Variants in FNDC3A observed in about 807,000 individuals in gnomAD.
The protein encoded by FNDC3A is fibronectin type-III domain-containing protein 3A.
FNDC3A carries 32 observed loss-of-function variants against 148.9 expected under a neutral mutation model. The observed-to-expected ratio is 0.21, with a 90% CI of 0.16 to 0.29. The LOEUF (loss-of-function observed/expected upper bound fraction) is 0.29, where lower values mean the gene tolerates loss of function less well. FNDC3A is among the 10% of genes least tolerant of loss of function. FNDC3A has a pLI of 1.00. For missense variants in FNDC3A, 1,191 were observed against 1,452.8 expected, an observed-to-expected ratio of 0.82 and a Z score of 2.93; for synonymous variants, 472 against 473.6, an observed-to-expected ratio of 1.00 and a Z score of 0.04.
At chr13:49,055,231 GT>G (rs1397270652) in intron 2 of FNDC3A, among the ~76,000 whole-genome samples, 1 of 151,938 alleles carries the variant, frequency 6.6e-6, no homozygotes, top group Non-Finnish European at 1.5e-5. Context: ...AGCCTCCTGA[GT>G]AGCTGGGAAT....
intron 25 of FNDC3A, among the ~76,000 whole-genome samples, chr13:49,205,105 A>G (rs1023903962): frequency 1.3e-5 from 2 of 152,212 alleles, no homozygotes; most frequent in Admixed American, 6.5e-5. Context: ...TTAGGATTCC[A>G]TAAACACTGT....
intron 8 of FNDC3A, among the ~76,000 whole-genome samples, chr13:49,153,868 A>G (rs1437205353): frequency 1.7e-5 from 2 of 119,074 alleles, no homozygotes; most frequent in East Asian, 4.6e-4. Context: ...GTTCTGTTCC[A>G]TTGATCTATA....
At chr13:48,992,625 G>A (rs1227456847) in intron 1 of FNDC3A, among the ~76,000 whole-genome samples, 1 of 152,106 alleles carries the variant, frequency 6.6e-6, no homozygotes, top group Non-Finnish European at 1.5e-5. Flanking sequence ...TCATTATCTT[G>A]ATTATGGTAA....
At chr13:49,161,250 A>T (rs1447873861) in intron 8 of FNDC3A, among the ~76,000 whole-genome samples, 1 of 152,116 alleles carries the variant, frequency 6.6e-6, no homozygotes, top group Non-Finnish European at 1.5e-5. Flanking sequence ...AATGTGTGGG[A>T]GTCTAAGTCT....
intron 1 of FNDC3A, among the ~76,000 whole-genome samples, chr13:48,985,997 C>CT (rs1275803756): frequency 6.6e-6 from 1 of 152,164 alleles, no homozygotes; most frequent in Non-Finnish European, 1.5e-5. Context: ...ATAGCACTTC[C>CT]TTTCACTTGC....
chr13:49,100,926 A>G lies in FNDC3A; in HGVS notation c.176-13729A>G, dbSNP rs530139405. Among the ~76,000 whole-genome samples, 5 of 152,292 alleles carry G rather than the reference A, an allele frequency of 3.3e-5. No homozygotes were observed. In the East Asian group the frequency reaches 5.8e-4, roughly 18 times the overall value. On this transcript the variant is annotated intron_variant, in intron 3 of 25. Transcript: ENST00000492622. ...ATCCTCACATTGCTTTCCTATTAGC[A>G]TGTATAATGTAAAGTAAAACTTTTG...
chr13:48,977,772 A>G (rs1951629071), intron 1 of FNDC3A, among the ~76,000 whole-genome samples: 1 of 152,222 alleles, frequency 6.6e-6, no homozygotes, highest in South Asian at 2.1e-4. Flanking sequence ...ACATCTTGTT[A>G]AAATTTTAAT....
chr13:48,980,604 A>G (rs201402775), intron 1 of FNDC3A, among the ~76,000 whole-genome samples: 2 of 152,196 alleles, frequency 1.3e-5, no homozygotes, highest in African/African-American at 2.4e-5. Flanking sequence ...TTTAAAGGAT[A>G]TAAGTATCAG....
chr13:49,017,497 C>G (rs1216677915), intron 2 of FNDC3A, among the ~76,000 whole-genome samples: 2 of 152,112 alleles, frequency 1.3e-5, no homozygotes, highest in East Asian at 3.8e-4. Flanking sequence ...ATGTGTGTCT[C>G]TGCACATGAG....
chr13:49,070,432 G>GT lies in FNDC3A; in HGVS notation c.100-4851dup, dbSNP rs572162375. 2.6e-4 allele frequency among the ~76,000 whole-genome samples: 39 copies of GT among 152,202 alleles called. No individual in the cohort carries two copies. In the South Asian group the frequency reaches 8.1e-3, roughly 32 times the overall value. ...TGATATAAAAATATGAAGTACCAGA[G>GT]TTTTTTAATACTAAGCCTTAAGGTT... On this transcript the variant is annotated intron_variant, in intron 2 of 25. Transcript: ENST00000492622.
chr13:49,021,745 A>G (rs1365790404), intron 2 of FNDC3A, among the ~76,000 whole-genome samples: 2 of 152,272 alleles, frequency 1.3e-5, no homozygotes, highest in African/African-American at 2.4e-5. Flanking sequence ...CACTGCTGTT[A>G]TGGAGCAATG....
chr13:49,175,135 A>G (rs992946117), intron 12 of FNDC3A, among the ~76,000 whole-genome samples: 1 of 152,204 alleles, frequency 6.6e-6, no homozygotes, highest in Non-Finnish European at 1.5e-5. Context: ...TCGATAAATT[A>G]TGATATAAAG....
intron 2 of FNDC3A, among the ~76,000 whole-genome samples, chr13:49,052,559 C>G (rs183968084): frequency 5.9e-5 from 9 of 152,296 alleles, no homozygotes; most frequent in Admixed American, 3.9e-4. Context: ...GATACCAGCA[C>G]CTGCTCCGTT....
Position 49,191,139 on chromosome 13 carries a change from A to G in FNDC3A, c.2050+19A>G, listed in dbSNP as rs1303794372. 1.2e-6 allele frequency: 2 copies of G among 1,604,168 alleles called. No individual in the cohort carries two copies. The highest frequency in any genetic ancestry group is 1.7e-6 in the Non-Finnish European group (2 of 1,175,838). On this transcript the variant is annotated intron_variant, in intron 18 of 25. Coordinates refer to ENST00000492622, the MANE Select transcript of FNDC3A (RefSeq NM_001079673.2). ...CGATGGGGTAATTTCCATTTTGGTAATAAATTATAATTAAGCTAGAACAGG... is the reference window on the plus strand; with the variant it reads ...CGATGGGGTAATTTCCATTTTGGTAGTAAATTATAATTAAGCTAGAACAGG...
chr13:48,986,079 T>A (rs1468743981), intron 1 of FNDC3A, among the ~76,000 whole-genome samples: 5 of 152,102 alleles, frequency 3.3e-5, no homozygotes, highest in Non-Finnish European at 7.3e-5. Flanking sequence ...GTGTTGGATC[T>A]GAAACTGTGT....
At chr13:49,022,210 C>T (rs577671267) in intron 2 of FNDC3A, among the ~76,000 whole-genome samples, 20 of 152,196 alleles carry the variant, frequency 1.3e-4, no homozygotes, top group African/African-American at 4.6e-4. Flanking sequence ...CAAAAACATT[C>T]AGAGCATTTT....
chr13:49,094,998 T>C (rs1042510084), intron 3 of FNDC3A, among the ~76,000 whole-genome samples: 1 of 152,034 alleles, frequency 6.6e-6, no homozygotes, highest in Non-Finnish European at 1.5e-5. Context: ...TTCCTCCAAG[T>C]ATATGGTAGG....
chr13:49,038,802 G>A (rs1874698539), intron 2 of FNDC3A, among the ~76,000 whole-genome samples: 1 of 152,018 alleles, frequency 6.6e-6, no homozygotes, highest in Non-Finnish European at 1.5e-5. Context: ...GTTCCTTTTG[G>A]GATAAGGCGA....
At chr13:49,133,241 C>A (rs1408314063) in intron 5 of FNDC3A, among the ~76,000 whole-genome samples, 1 of 152,180 alleles carries the variant, frequency 6.6e-6, no homozygotes, top group Non-Finnish European at 1.5e-5. Context: ...AAAGTTTATA[C>A]TGCAGATTAG....
Sources: gnomAD v4.1 joint callset for allele counts (sites outside exome capture counted in the v4.1 genomes callset) on GRCh38, gnomAD v4.1.1 for gene constraint, MANE v1.5 for transcripts, NCBI Gene and HGNC (gene_info 2026-07-23, HGNC 2026-07-21) for gene names.